MICU2: variants seen among roughly 807,000 people sequenced by gnomAD.
MICU2 encodes calcium uptake protein 2, mitochondrial.
In MICU2, 64 loss-of-function variants were observed where a neutral mutation model predicts 60.4. That is an observed-to-expected ratio of 1.06 (90% CI 0.87 to 1.31). MICU2 has a LOEUF of 1.31. Ranked by LOEUF, MICU2 falls within the 50% of genes most tolerant of loss-of-function variation. MICU2 has a pLI of 0.00. For missense variants in MICU2, 569 were observed against 531.0 expected (o/e 1.07, Z -0.70); for synonymous variants, 201 against 175.0 (o/e 1.15, Z -1.17).
At chr13:21,502,103 T>C (rs1886187170) in intron 9 of MICU2, among the ~76,000 whole-genome samples, 1 of 152,192 alleles carries the variant, frequency 6.6e-6, no homozygotes, top group South Asian at 2.1e-4. Context: ...TGTCTTATAA[T>C]TAGATAAGTT....
rs1885907230 is a variant in MICU2, at chr13:21,493,311, T to C, written c.1243A>G (p.Lys415Glu). The stretch of plus-strand genomic sequence containing the variant: ...TTTACTCCTTTAATGCTTTCTTTCT[T>C]CACACACTTCCAGTATTCTTGTATA... Reference protein sequence around the residue: ...QSIQEYWKCVKKESIKGVKEV... With the variant: ...QSIQEYWKCVEKESIKGVKEV... The change falls in exon 12 of 12, where the codon AAG becomes GAG. Residue 415 changes from lysine to glutamate, a missense_variant. By Grantham distance (56) the Lys-to-Glu change is moderately conservative. Coordinates refer to ENST00000382374, the MANE Select transcript of MICU2 (RefSeq NM_152726.3). 1 of 1,611,042 alleles carries C rather than the reference T, an allele frequency of 6.2e-7. No homozygotes were observed. Among genetic ancestry groups the C allele is most frequent in the South Asian group, 1.1e-5 (1 of 90,328 alleles).
chr13:21,584,643 TA>T (rs1199041617), intron 1 of MICU2, among the ~76,000 whole-genome samples: 2 of 152,278 alleles, frequency 1.3e-5, no homozygotes, highest in East Asian at 1.9e-4. Flanking sequence ...AGGCTATACT[TA>T]AAAAATATGA....
At chr13:21,547,160 AG>A (rs1887437097) in intron 2 of MICU2, among the ~76,000 whole-genome samples, 2 of 152,162 alleles carry the variant, frequency 1.3e-5, no homozygotes, top group African/African-American at 4.8e-5. Flanking sequence ...TAGTCTCAGA[AG>A]TCTCTACTGC....
chr13:21,508,016 C>T (rs551452849), intron 8 of MICU2, among the ~76,000 whole-genome samples: 7 of 152,120 alleles, frequency 4.6e-5, no homozygotes, highest in Admixed American at 3.9e-4. Context: ...CATTCTTCTT[C>T]GTTCCTTAAA....
chr13:21,508,104 T>C (rs1886335046), intron 8 of MICU2, among the ~76,000 whole-genome samples: 1 of 151,492 alleles, frequency 6.6e-6, no homozygotes, highest in Non-Finnish European at 1.5e-5. Context: ...TTATTGCCAC[T>C]ACACTAGTTC....
intron 6 of MICU2, among the ~76,000 whole-genome samples, chr13:21,514,952 G>T (rs190740167): frequency 2.1e-3 from 315 of 152,232 alleles, no homozygotes; most frequent in Non-Finnish European, 1.6e-3. Context: ...TACTAAGAAA[G>T]CTAGTTTACT....
At chr13:21,534,126 G>C (rs367642349) in intron 4 of MICU2, among the ~76,000 whole-genome samples, 8 of 149,328 alleles carry the variant, frequency 5.4e-5, no homozygotes, top group African/African-American at 2.0e-4. Context: ...ATGTATGAAA[G>C]CATTACTACA....
At chr13:21,570,619 T>C (rs1888085631) in intron 1 of MICU2, among the ~76,000 whole-genome samples, 1 of 152,220 alleles carries the variant, frequency 6.6e-6, no homozygotes, top group Admixed American at 6.5e-5. Context: ...TCTTGAAGCA[T>C]AAATTTCATC....
chr13:21,566,750 C>A (rs1257444561), intron 2 of MICU2, 47 bp downstream of exon 2: 2 of 1,476,406 alleles, frequency 1.4e-6, no homozygotes, highest in Non-Finnish European at 9.0e-7. Context: ...GTTTTTCAGC[C>A]CTGAAGTCTG....
Position 21,493,698 on chromosome 13 carries a change from T to C in MICU2, c.1201-345A>G, listed in dbSNP as rs944749862. On this transcript the variant is annotated intron_variant, in intron 11 of 11. Transcript: ENST00000382374. Reference sequence around the variant, plus strand: ...GTTTTCCTTTTATAATGTTTTATAATCTTTCCCTTTTTTTCTGGTGAACTT... The same window carrying C: ...GTTTTCCTTTTATAATGTTTTATAACCTTTCCCTTTTTTTCTGGTGAACTT... 6.0e-5 allele frequency among the ~76,000 whole-genome samples: 9 copies of C among 151,074 alleles called. No individual in the cohort carries two copies. The East Asian group carries it at 1.3e-3, about 23-fold the overall frequency.
intron 2 of MICU2, among the ~76,000 whole-genome samples, chr13:21,550,970 T>C (rs1211155691): frequency 6.6e-6 from 1 of 152,240 alleles, no homozygotes; most frequent in African/African-American, 2.4e-5. Flanking sequence ...CATTCTTTTG[T>C]TATTCACTTA....
chr13:21,574,952 T>A (rs900603697), intron 1 of MICU2, among the ~76,000 whole-genome samples: 2 of 152,248 alleles, frequency 1.3e-5, no homozygotes, highest in Non-Finnish European at 2.9e-5. Flanking sequence ...CTGCATAAGC[T>A]ATGCCTCACA....
chr13:21,603,544 A>G, intron 1 of MICU2: 1 of 241,240 alleles, frequency 4.1e-6, no homozygotes, highest in Non-Finnish European at 8.0e-6. Context: ...GACGCAAACC[A>G]CCTGCGGATG....
chr13:21,495,407 C>A, intron 10 of MICU2, 89 bp from the exon 11 acceptor site: 1 of 1,281,404 alleles, frequency 7.8e-7, no homozygotes, highest in Non-Finnish European at 1.0e-6. Context: ...GAAGTAAAAG[C>A]AAATCCAAAT....
chr13:21,542,057 AG>A (rs1336272373), intron 2 of MICU2, among the ~76,000 whole-genome samples: 1 of 151,758 alleles, frequency 6.6e-6, no homozygotes, highest in Non-Finnish European at 1.5e-5. Flanking sequence ...GACAAGGCAA[AG>A]ATACTAGGAA....
intron 1 of MICU2, among the ~76,000 whole-genome samples, chr13:21,586,141 T>C (rs1477278276): frequency 6.6e-6 from 1 of 152,162 alleles, no homozygotes; most frequent in African/African-American, 2.4e-5. Flanking sequence ...GTTTCACAGT[T>C]TTGTAAATTA....
intron 5 of MICU2, among the ~76,000 whole-genome samples, chr13:21,522,025 T>C (rs1886730808): frequency 6.6e-6 from 1 of 152,244 alleles, no homozygotes; most frequent in Non-Finnish European, 1.5e-5. Context: ...GCTAAAGTGC[T>C]GGGGTGAGCC....
intron 1 of MICU2, among the ~76,000 whole-genome samples, chr13:21,602,520 C>CAA (rs141504099): frequency 1.8e-4 from 27 of 151,022 alleles, no homozygotes; most frequent in African/African-American, 5.1e-4. Context: ...AGACTCCTCT[C>CAA]AAAAAAAACA....
chr13:21,510,539 G>A (rs1886400783), intron 7 of MICU2, among the ~76,000 whole-genome samples: 3 of 152,106 alleles, frequency 2.0e-5, no homozygotes. Flanking sequence ...ATCAACAGGT[G>A]AGAATTCCAT....
Sources: gnomAD v4.1 joint callset for allele counts (sites outside exome capture counted in the v4.1 genomes callset) on GRCh38, gnomAD v4.1.1 for gene constraint, MANE v1.5 for transcripts, NCBI Gene and HGNC (gene_info 2026-07-23, HGNC 2026-07-21) for gene names.